The following ADAD2 variants were observed in gnomAD, a reference collection of about 807,000 sequenced individuals.
ADAD2 encodes the protein adenosine deaminase domain-containing protein 2.
Under a neutral mutation model 54.5 loss-of-function variants are expected in ADAD2, and 60 were observed. The ratio of observed to expected loss-of-function variants is 1.10; its 90% confidence interval spans 0.89 to 1.36. The LOEUF is 1.36. Among genes scored for constraint, ADAD2 ranks in the 40% most tolerant of loss-of-function variants. The pLI, the probability that ADAD2 is intolerant of heterozygous loss-of-function variation, is 0.00. For missense variants in ADAD2, 1,103 were observed against 801.3 expected (o/e 1.38, Z -4.54); for synonymous variants, 543 against 366.2 (o/e 1.48, Z -5.51).
intron 9 of ADAD2, 31 bp from the exon 10 acceptor site, chr16:84,196,839 C>T: frequency 6.3e-7 from 1 of 1,594,736 alleles, no homozygotes; most frequent in South Asian, 1.1e-5. Context: ...CAGGTACCTC[C>T]TCTCACCCCA....
intron 1 of ADAD2, 84 bp downstream of exon 1, chr16:84,191,732 G>A: frequency 6.5e-7 from 1 of 1,528,446 alleles, no homozygotes; most frequent in Non-Finnish European, 8.8e-7. Flanking sequence ...AGGGGGTCTG[G>A]GGAAGGTGGA....
intron 8 of ADAD2, 80 bp from the exon 9 acceptor site, chr16:84,196,567 G>T: frequency 6.4e-7 from 1 of 1,574,572 alleles, no homozygotes. Context: ...AGTGTGAGAG[G>T]AGGTAGTGTG....
rs1002465747 is a variant in ADAD2, at chr16:84,196,520, A to G, written c.1527-127A>G. ...TTCCTAGCTCCGTAGTGGTGGCCAC[A>G]CCTCTGTCTGCCCTGTGAGTCCTGT... On this transcript the variant is annotated intron_variant, in intron 8 of 9. Transcript: ENST00000315906. The G allele has an allele frequency of 2.6e-6, 4 of 1,546,348 alleles. No individual in the cohort carries two copies. In the African/African-American group the frequency reaches 5.4e-5, roughly 21 times the overall value.
rs772325055 is a variant in ADAD2 at position 84,196,174 on chromosome 16, C to T, written c.1330C>T (p.Arg444Trp). Residue 444 changes from arginine to tryptophan, a missense_variant, in exon 8 of 10, where the codon CGG (arginine) becomes TGG (tryptophan). Arg to Trp is a moderately radical substitution (Grantham distance 101, BLOSUM62 -3). Coordinates refer to ENST00000315906, the MANE Select transcript of ADAD2 (RefSeq NM_001145400.2). ...PPTLSRAIHT[R>W]PCLDSVLGPC... Reference sequence around the variant, plus strand: ...GACTCTGAGCAGGGCCATCCACACCCGGCCCTGCCTGGACAGTGTCCTGGG... The same window carrying T: ...GACTCTGAGCAGGGCCATCCACACCTGGCCCTGCCTGGACAGTGTCCTGGG... 7.5e-6 allele frequency: 12 copies of T among 1,607,582 alleles called. No homozygotes were observed. The highest frequency in any genetic ancestry group is 6.6e-5 in the South Asian group (6 of 91,084).
At chr16:84,194,709 G>A in intron 2 of ADAD2, 127 bp downstream of exon 2, 1 of 1,470,956 alleles carries the variant, frequency 6.8e-7, no homozygotes, top group Admixed American at 2.0e-5. Context: ...CAAACCATCT[G>A]AGCATCAGGA....
In ADAD2 at chr16:84,195,582, G is replaced by C; in HGVS notation, c.937G>C (p.Glu313Gln). The C allele has an allele frequency of 1.2e-6, 2 of 1,604,094 alleles. No individual in the cohort carries two copies. Among genetic ancestry groups the C allele is most frequent in the Non-Finnish European group, 1.7e-6 (2 of 1,175,500 alleles). Residue 313 changes from glutamate to glutamine, a missense_variant, in exon 6 of 10, where the codon GAG becomes CAG. By Grantham distance (29) the Glu-to-Gln change is conservative. Transcript: ENST00000315906. ...LATQGGPKGK[E>Q]QSVLAPQPGP... Reference sequence around the variant, plus strand: ...CACACAGGGGGGCCCCAAGGGCAAGGAGCAGTCCGTGCTGGCCCCCCAGCC... The same window carrying C: ...CACACAGGGGGGCCCCAAGGGCAAGCAGCAGTCCGTGCTGGCCCCCCAGCC...
intron 1 of ADAD2, 33 bp downstream of exon 1, chr16:84,191,681 G>A (rs1483827110): frequency 3.9e-6 from 6 of 1,548,814 alleles, no homozygotes; most frequent in Non-Finnish European, 4.4e-6. Context: ...CTGTGCCAGA[G>A]GGCAGAGCCA....
In ADAD2 at chr16:84,197,018, C is replaced by A. The variant is rs11639669; in HGVS notation, c.*44C>A. On this transcript the variant is annotated 3_prime_UTR_variant, in exon 10 of 10. Coordinates refer to ENST00000315906, the MANE Select transcript of ADAD2 (RefSeq NM_001145400.2). ...CGAGGTCCCGGAGCCAAGCTGTACC[C>A]CTGCTGGGGGAGTGCCCTATCTGAG... The A allele has an allele frequency of 0.053, 81,723 of 1,541,552 alleles. 2,463 individuals are homozygous for A. The highest frequency in any genetic ancestry group is 0.06 in the Non-Finnish European group (68,752 of 1,138,458).
chr16:84,194,115 C>G, intron 1 of ADAD2: 1 of 1,614,020 alleles, frequency 6.2e-7, no homozygotes, highest in Non-Finnish European at 8.5e-7. Context: ...GGCGTGGGCT[C>G]TGGAGAGGGG....
Position 84,196,722 on chromosome 16 carries a change from G to C in ADAD2, c.1602G>C (p.Val534=). The C allele has an allele frequency of 1.2e-6, 2 of 1,613,090 alleles. No homozygotes were observed. Among genetic ancestry groups the C allele is most frequent in the Non-Finnish European group, 1.7e-6 (2 of 1,179,966 alleles). The change falls in exon 9 of 10, where the codon GTG becomes GTC. Residue 534 remains valine, a synonymous_variant. Coordinates refer to ENST00000315906, the MANE Select transcript of ADAD2 (RefSeq NM_001145400.2). The part of the protein sequence containing the change: ...LRAFHQAARA[V]GKPYLLALKT... ...CCTTTCACCAGGCGGCCAGGGCTGT[G>C]GGGAAGCCCTACCTCCTGGCCTTGA...
At position 84,191,433 on chromosome 16, in the gene ADAD2, G is replaced by A. The variant is rs749448838; in HGVS notation, c.203G>A (p.Gly68Glu). ...CAGGTCTCGGTGTTGAGGGACAGTG[G>A]GCCTGGGGCAGGGGCCGGAGTCGGG... is the stretch of plus-strand genomic sequence containing the variant. ...WPQVSVLRDS[G>E]PGAGAGVGEL... Residue 68 changes from glycine to glutamate, a missense_variant, in exon 1 of 10, where the codon GGG becomes GAG. By Grantham distance (98) the Gly-to-Glu change is moderately conservative. Coordinates refer to ENST00000315906, the MANE Select transcript of ADAD2 (RefSeq NM_001145400.2). 7 of 1,509,104 alleles carry A rather than the reference G, an allele frequency of 4.6e-6. No individual in the cohort carries two copies. Among genetic ancestry groups the A allele is most frequent in the South Asian group, 2.5e-5 (2 of 80,532 alleles). The allele number at this position is 1,509,104 out of a possible 1,614,324, so 93.5% of individuals were successfully genotyped here.
chr16:84,191,251 C>T lies in ADAD2; in HGVS notation c.21C>T (p.Gly7=). Residue 7 remains glycine, a synonymous_variant, in exon 1 of 10, where the codon GGC becomes GGT. Coordinates refer to ENST00000315906, the MANE Select transcript of ADAD2 (RefSeq NM_001145400.2). MASASQ[G]ADDDGSRRKP... ...CGGCCATGGCTTCGGCTTCTCAGGG[C>T]GCTGACGACGACGGCAGTCGTAGGA... 4 of 1,607,636 alleles carry T rather than the reference C, an allele frequency of 2.5e-6. No homozygotes were observed. The highest frequency in any genetic ancestry group is 2.5e-6 in the Non-Finnish European group (3 of 1,177,266).
chr16:84,193,966 TTG>T (rs769467816), intron 1 of ADAD2: 1 of 1,513,076 alleles, frequency 6.6e-7, no homozygotes, highest in Non-Finnish European at 8.9e-7. Flanking sequence ...CATCTCTCTT[TTG>T]TGTTATAAGT....
Position 84,193,943 on chromosome 16 carries a change from G to A in ADAD2, c.419-499G>A, listed in dbSNP as rs2089689984. ...CTGCACCTTTGACCATGTGATCCCA[G>A]TTCCAGATTTTTCATCTCTCTTTTG... is the stretch of plus-strand genomic sequence containing the variant. On this transcript the variant is annotated intron_variant, in intron 1 of 9. Transcript: ENST00000315906. 6 of 1,456,092 alleles carry A rather than the reference G, an allele frequency of 4.1e-6. No individual in the cohort carries two copies. In the East Asian group the frequency reaches 1.1e-4, roughly 28 times the overall value. 90.2% of individuals were successfully genotyped at this position (1,456,092 alleles called of 1,614,324 possible).
rs760536000 is a variant in ADAD2, at chr16:84,191,478, C to A, written c.248C>A (p.Ala83Glu). 3.0e-5 allele frequency: 46 copies of A among 1,538,596 alleles called. No individual in the cohort carries two copies. The highest frequency in any genetic ancestry group is 3.1e-5 in the Non-Finnish European group (36 of 1,144,226). The change falls in exon 1 of 10, where the codon GCG becomes GAG. Residue 83 changes from alanine to glutamate, a missense_variant. Ala to Glu is a moderately radical substitution (Grantham distance 107). Transcript: ENST00000315906. ...AGVGELGAAR[A>E]WENLGEQMGK... The stretch of plus-strand genomic sequence containing the variant: ...GTCGGGGAACTGGGGGCAGCCCGGG[C>A]GTGGGAAAACTTGGGGGAACAGATG...
rs1230416770 is a variant in ADAD2, at chr16:84,191,510, G to T, written c.280G>T (p.Ala94Ser). The change falls in exon 1 of 10, where the codon GCC becomes TCC. Residue 94 changes from alanine to serine, a missense_variant. By Grantham distance (99) the Ala-to-Ser change is moderately conservative (BLOSUM62 1). Coordinates refer to ENST00000315906, the MANE Select transcript of ADAD2 (RefSeq NM_001145400.2). ...WENLGEQMGKAPRVPVPPAGL... is the reference protein window; with the variant it reads ...WENLGEQMGKSPRVPVPPAGL... ...AAACTTGGGGGAACAGATGGGGAAG[G>T]CCCCGAGGGTCCCTGTGCCCCCAGC... 1 of 1,544,176 alleles carries T rather than the reference G, an allele frequency of 6.5e-7. No homozygotes were observed. Among genetic ancestry groups the T allele is most frequent in the Non-Finnish European group, 8.7e-7 (1 of 1,146,304 alleles).
At chr16:84,195,735 C>A in intron 6 of ADAD2, 38 bp downstream of exon 6, 4 of 1,531,556 alleles carry the variant, frequency 2.6e-6, no homozygotes, top group Non-Finnish European at 3.5e-6. Flanking sequence ...GGATGGGGCT[C>A]CCTCGGTTGG....
In ADAD2 at chr16:84,195,679, G is replaced by T. The variant is rs1201010523; in HGVS notation, c.1034G>T (p.Gly345Val). 3 of 1,564,396 alleles carry T rather than the reference G, an allele frequency of 1.9e-6. No homozygotes were observed. Among genetic ancestry groups the T allele is most frequent in the Non-Finnish European group, 2.6e-6 (3 of 1,158,682 alleles). Residue 345 changes from glycine (G) to valine (V), a missense_variant, in exon 6 of 10, where the codon GGC (glycine) becomes GTC (valine). Physicochemically the swap from Gly to Val is moderately radical, Grantham distance 109. Transcript: ENST00000315906. ...LHLYISNTPK[G>V]AARDIYLPPT... ...CTCTACATCAGCAACACCCCCAAGG[G>T]CGCGGCCCGTGACATCTAGTATGCA...
In ADAD2 at chr16:84,191,323, C is replaced by G. The variant is rs200340222; in HGVS notation, c.93C>G (p.Pro31=). 301 of 1,585,006 alleles carry G rather than the reference C, an allele frequency of 1.9e-4. 3 individuals are homozygous for G. In the African/African-American group the frequency reaches 3.6e-3, roughly 19 times the overall value. Residue 31 remains proline, a synonymous_variant, in exon 1 of 10, where the codon CCC becomes CCG. Transcript: ENST00000315906. ...TGCAGATCAGCCCCCAGCCCCGCCCCTGGCGACCGCTACCCGCCCAGGCCC... is the reference window on the plus strand; with the variant it reads ...TGCAGATCAGCCCCCAGCCCCGCCCGTGGCGACCGCTACCCGCCCAGGCCC... The part of the protein sequence containing the change: ...ASLQISPQPR[P]WRPLPAQAQS...
Sources: allele counts gnomAD v4.1 joint callset, GRCh38; gene constraint gnomAD v4.1.1; transcripts MANE v1.5; gene names NCBI Gene and HGNC (gene_info 2026-07-23, HGNC 2026-07-21).